Variants in CPVL observed in about 807,000 individuals in gnomAD.
CPVL encodes the protein carboxypeptidase vitellogenic like.
In CPVL, 51 loss-of-function variants were observed where a neutral mutation model predicts 63.7. That is an observed-to-expected ratio of 0.80 (90% CI 0.64 to 1.01). The LOEUF (loss-of-function observed/expected upper bound fraction) is 1.01. Among genes scored for constraint, CPVL ranks in the 50% least tolerant of loss-of-function variants. The pLI is 0.00. For synonymous variants in CPVL, 195 were observed against 206.0 expected (o/e 0.95, Z 0.46); for missense variants, 530 against 573.1 (o/e 0.92, Z 0.77).
intron 11 of CPVL, among the ~76,000 whole-genome samples, chr7:29,058,035 G>T (rs180775555): frequency 3.3e-5 from 5 of 151,998 alleles, no homozygotes; most frequent in Admixed American, 3.3e-4. Context: ...AGAAACTTTA[G>T]AACAATTTAT....
intron 1 of CPVL, among the ~76,000 whole-genome samples, chr7:29,144,262 A>C (rs954924785): frequency 8.5e-5 from 13 of 152,194 alleles, no homozygotes; most frequent in African/African-American, 2.4e-4. Context: ...CATACTTCCT[A>C]TTAAGAAGGG....
chr7:29,106,042 T>C (rs1787685217), intron 3 of CPVL, among the ~76,000 whole-genome samples: 1 of 152,122 alleles, frequency 6.6e-6, no homozygotes, highest in Non-Finnish European at 1.5e-5. Context: ...GAAGGTATGG[T>C]TGCAGCCTTC....
chr7:29,015,566 C>G (rs1452133793), intron 12 of CPVL, among the ~76,000 whole-genome samples: 2 of 152,220 alleles, frequency 1.3e-5, no homozygotes, highest in Non-Finnish European at 2.9e-5. Flanking sequence ...GTGAAACTCC[C>G]TGAGGCCTCT....
At chr7:29,058,305 A>C (rs981383925) in intron 11 of CPVL, among the ~76,000 whole-genome samples, 1 of 152,022 alleles carries the variant, frequency 6.6e-6, no homozygotes, top group Admixed American at 6.6e-5. Context: ...CTGTGTTTTA[A>C]TTTCAAATTT....
intron 12 of CPVL, among the ~76,000 whole-genome samples, chr7:29,023,365 A>T (rs546284867): frequency 8.6e-5 from 13 of 151,956 alleles, no homozygotes; most frequent in African/African-American, 3.1e-4. Flanking sequence ...GTGTGGAGGA[A>T]CTCCTTTTAT....
chr7:29,069,440 C>CAAAAAAAA (rs34421309), intron 9 of CPVL, among the ~76,000 whole-genome samples: 1 of 81,212 alleles, frequency 1.2e-5, no homozygotes, highest in Non-Finnish European at 2.6e-5. Context: ...GACTCCGTCT[C>CAAAAAAAA]AAAAAAAAAA....
chr7:29,136,881 T>A (rs576891219), intron 1 of CPVL, among the ~76,000 whole-genome samples: 2 of 152,298 alleles, frequency 1.3e-5, no homozygotes, highest in East Asian at 3.9e-4. Flanking sequence ...ATTCTTTATT[T>A]ATCCATTTTT....
rs1387536991 is a variant in CPVL, at chr7:29,123,718, TTC to T, written c.-10-2649_-10-2648del. ...AGTAAGAGGTTTTTGTTTTTTTTTT[TTC>T]CCCTGGGGACAGAAACAAGAAACCA... is the stretch of plus-strand genomic sequence containing the variant. On this transcript the variant is annotated intron_variant, in intron 1 of 12. Coordinates refer to ENST00000265394, the MANE Select transcript of CPVL (RefSeq NM_031311.5). Among the ~76,000 whole-genome samples, 84 of 39,184 alleles carry T rather than the reference TTC, an allele frequency of 2.1e-3. No homozygotes were observed. The East Asian group carries it at 0.033, about 15-fold the overall frequency. 25.7% of individuals were successfully genotyped at this position (39,184 alleles called of 152,430 possible). A position where few individuals can be genotyped will look rare whatever the true frequency, so the allele number is the denominator to read the frequency against.
intron 11 of CPVL, among the ~76,000 whole-genome samples, chr7:29,058,234 C>T (rs1354628724): frequency 3.3e-5 from 5 of 152,050 alleles, no homozygotes; most frequent in Non-Finnish European, 7.4e-5. Flanking sequence ...AGATCTTATA[C>T]ATATTTTGTT....
At chr7:29,149,132 T>C (rs1305465479), upstream of CPVL, among the ~76,000 whole-genome samples, 1 of 151,166 alleles carries the variant, frequency 6.6e-6, no homozygotes, top group African/African-American at 2.4e-5. Flanking sequence ...AGGGCAAGAA[T>C]GCTGAGCTCT....
intron 12 of CPVL, among the ~76,000 whole-genome samples, chr7:29,027,379 A>G (rs891861009): frequency 6.6e-6 from 1 of 152,198 alleles, no homozygotes; most frequent in African/African-American, 2.4e-5. Flanking sequence ...ATCATACTGA[A>G]TAGGGAAAAG....
At chr7:29,181,733 A>G (rs939257337) in intron 4 of CPVL, among the ~76,000 whole-genome samples, 1 of 152,250 alleles carries the variant, frequency 6.6e-6, no homozygotes, top group Non-Finnish European at 1.5e-5. Flanking sequence ...GTAGACACTA[A>G]TGATCTTAAC....
At chr7:29,066,163 A>C in intron 9 of CPVL, 42 bp from the exon 10 acceptor site, 4 of 953,958 alleles carry the variant, frequency 4.2e-6, no homozygotes, top group South Asian at 1.4e-5. Flanking sequence ...GAAAGAAAAC[A>C]TCAGTGTGGA....
In CPVL at chr7:29,006,069, G is replaced by T. The variant is rs369756705; in HGVS notation, c.1321-10187C>A. 4.5e-4 allele frequency among the ~76,000 whole-genome samples: 68 copies of T among 152,264 alleles called. No individual in the cohort carries two copies. In the South Asian group the frequency reaches 5.0e-3, roughly 11 times the overall value. On this transcript the variant is annotated intron_variant, in intron 12 of 12. Transcript: ENST00000265394. ...CTAACCTGCTAAAGATTTACTTCCT[G>T]CAGACAGCAATGCAAGATAGTTCTA...
chr7:29,024,415 T>C (rs928345796), intron 12 of CPVL, among the ~76,000 whole-genome samples: 24 of 152,296 alleles, frequency 1.6e-4, no homozygotes, highest in Admixed American at 5.9e-4. Context: ...AGCAAAGGCA[T>C]AGAAAGCTTA....
intron 2 of CPVL, among the ~76,000 whole-genome samples, chr7:29,186,218 C>T (rs1369757633): frequency 6.6e-6 from 1 of 151,828 alleles, no homozygotes; most frequent in African/African-American, 2.4e-5. Flanking sequence ...ATGAGTTCCC[C>T]AGAGCCTGGC....
At chr7:29,128,325 C>T (rs1253613135) in intron 1 of CPVL, among the ~76,000 whole-genome samples, 1 of 152,024 alleles carries the variant, frequency 6.6e-6, no homozygotes, top group Non-Finnish European at 1.5e-5. Flanking sequence ...TTTGGGGATA[C>T]CCATTAGTTA....
At chr7:29,078,831 T>C (rs1213605575) in intron 7 of CPVL, among the ~76,000 whole-genome samples, 2 of 152,228 alleles carry the variant, frequency 1.3e-5, no homozygotes, top group African/African-American at 4.8e-5. Context: ...AGTTCTTCGG[T>C]TGCAGCTTAA....
chr7:29,006,582 G>A (rs117369778), intron 12 of CPVL, among the ~76,000 whole-genome samples: 3 of 152,288 alleles, frequency 2.0e-5, no homozygotes, highest in South Asian at 4.1e-4. Context: ...AGAGCACCAT[G>A]AGATGCTCCA....
Sources: allele counts gnomAD v4.1 joint callset (sites outside exome capture counted in the v4.1 genomes callset), GRCh38; gene constraint gnomAD v4.1.1; transcripts MANE v1.5; gene names NCBI Gene and HGNC (gene_info 2026-07-23, HGNC 2026-07-21).